AMOTL1: variants seen among roughly 807,000 people sequenced by gnomAD.
AMOTL1 encodes angiomotin-like protein 1.
In AMOTL1, 45 loss-of-function variants were observed where a neutral mutation model predicts 102.9. That is an observed-to-expected ratio of 0.44 (90% CI 0.34 to 0.56). The LOEUF (loss-of-function observed/expected upper bound fraction) is 0.56, where lower values mean the gene tolerates loss of function less well. AMOTL1 is among the 20% of genes least tolerant of loss of function. The pLI is 0.01. For missense variants in AMOTL1, 1,114 were observed against 1,225.6 expected, an observed-to-expected ratio of 0.91 and a Z score of 1.36; for synonymous variants, 481 against 484.7, an observed-to-expected ratio of 0.99 and a Z score of 0.10.
intron 6 of AMOTL1, among the ~76,000 whole-genome samples, chr11:94,840,667 TATATATATATATATACAC>T (rs1279994478): frequency 1.6e-5 from 2 of 125,966 alleles, no homozygotes; most frequent in East Asian, 2.5e-4. Flanking sequence ...TATATATATA[TATATATATATATATACAC>T]ACACACACAC....
chr11:94,780,888 A>C (rs1322115853), intron 1 of AMOTL1, among the ~76,000 whole-genome samples: 1 of 152,204 alleles, frequency 6.6e-6, no homozygotes, highest in Non-Finnish European at 1.5e-5. Flanking sequence ...ACAAAAACAG[A>C]AAGTATGGCA....
At chr11:94,768,949 C>T (rs1301736059) in intron 1 of AMOTL1, among the ~76,000 whole-genome samples, 1 of 152,036 alleles carries the variant, frequency 6.6e-6, no homozygotes, top group Admixed American at 6.5e-5. Context: ...AGGGGGTGTC[C>T]GGTGCAGCTT....
intron 3 of AMOTL1, among the ~76,000 whole-genome samples, chr11:94,742,466 C>G (rs1950540312): frequency 6.6e-6 from 1 of 152,194 alleles, no homozygotes; most frequent in Non-Finnish European, 1.5e-5. Context: ...TGTTTGCCTT[C>G]ACAGAATGAT....
chr11:94,794,133 A>G (rs1951326895), intron 1 of AMOTL1, among the ~76,000 whole-genome samples: 1 of 152,198 alleles, frequency 6.6e-6, no homozygotes, highest in South Asian at 2.1e-4. Flanking sequence ...TTTTAATGGA[A>G]TTTTCTTTTG....
intron 6 of AMOTL1, among the ~76,000 whole-genome samples, chr11:94,842,415 A>G (rs1242969721): frequency 2.0e-5 from 3 of 151,876 alleles, no homozygotes; most frequent in Admixed American, 6.6e-5. Flanking sequence ...CCCCACCTCA[A>G]AAAAAAAGTG....
chr11:94,726,024 G>C (rs985226665), intron 1 of AMOTL1, among the ~76,000 whole-genome samples: 3 of 152,110 alleles, frequency 2.0e-5, no homozygotes, highest in African/African-American at 7.2e-5. Flanking sequence ...TTCAACAAAG[G>C]CTGAGGCAAT....
At position 94,874,862 on chromosome 11, in the gene AMOTL1, A is replaced by C. The variant is rs989835093; in HGVS notation, c.*4067A>C. The C allele has an allele frequency of 6.6e-6, 1 of 152,232 alleles. No homozygotes were observed. Among genetic ancestry groups the C allele is most frequent in the African/African-American group, 2.4e-5 (1 of 41,446 alleles). 9.4% of individuals were successfully genotyped at this position (152,232 alleles called of 1,614,324 possible). ...TTGACTGCAGGGAGTTATGCTGAGCAAAGAGATGTGTTTTTCAAAACCAGG... is the reference window on the plus strand; with the variant it reads ...TTGACTGCAGGGAGTTATGCTGAGCCAAGAGATGTGTTTTTCAAAACCAGG... On this transcript the variant is annotated 3_prime_UTR_variant, in exon 13 of 13. Transcript: ENST00000433060.
chr11:94,717,674 T>C (rs888230424), intron 1 of AMOTL1, among the ~76,000 whole-genome samples: 2 of 151,874 alleles, frequency 1.3e-5, no homozygotes, highest in African/African-American at 4.8e-5. Context: ...ACTCAGATGC[T>C]ATACAAAGAA....
At chr11:94,851,447 A>C (rs1952536837) in intron 7 of AMOTL1, among the ~76,000 whole-genome samples, 3 of 152,190 alleles carry the variant, frequency 2.0e-5, no homozygotes, top group Admixed American at 1.3e-4. Context: ...TGGTTGGTTG[A>C]ATGTAGCCTC....
chr11:94,864,922 A>G (rs555984786), intron 10 of AMOTL1, 62 bp downstream of exon 10: 2 of 1,564,578 alleles, frequency 1.3e-6, no homozygotes, highest in African/African-American at 1.3e-5. Context: ...GCCTTCCAGA[A>G]CAGATTGCTT....
intron 1 of AMOTL1, among the ~76,000 whole-genome samples, chr11:94,770,965 A>C (rs1950940213): frequency 1.3e-5 from 2 of 152,170 alleles, no homozygotes; most frequent in Admixed American, 1.3e-4. Flanking sequence ...TGGCTGAACT[A>C]ATTGAAATGA....
At chr11:94,758,069 C>CA (rs1186835285) in intron 3 of AMOTL1, among the ~76,000 whole-genome samples, 1 of 151,952 alleles carries the variant, frequency 6.6e-6, no homozygotes. Flanking sequence ...CTCAAAAAAA[C>CA]AAAAAAGGCA....
intron 1 of AMOTL1, among the ~76,000 whole-genome samples, chr11:94,775,168 C>T (rs550560876): frequency 2.0e-5 from 3 of 152,284 alleles, no homozygotes; most frequent in Non-Finnish European, 4.4e-5. Flanking sequence ...AAATTATTTT[C>T]TGCATCATCA....
At chr11:94,832,379 A>G (rs1952090816) in intron 6 of AMOTL1, among the ~76,000 whole-genome samples, 3 of 152,310 alleles carry the variant, frequency 2.0e-5, no homozygotes, top group East Asian at 1.9e-4. Flanking sequence ...TGGGTTCCTC[A>G]GTGCAGCCCT....
chr11:94,799,469 G>T lies in AMOTL1; in HGVS notation c.279G>T (p.Ala93=), dbSNP rs141367424. 6.2e-7 allele frequency: 1 copy of T among 1,609,822 alleles called. No individual in the cohort carries two copies. Among genetic ancestry groups the T allele is most frequent in the Non-Finnish European group, 8.5e-7 (1 of 1,178,068 alleles). ...TGGAAATGAGAGGTTCCGAGGATGCGGCAGCTGGAACAGTATTGCAGCGGC... is the reference window on the plus strand; with the variant it reads ...TGGAAATGAGAGGTTCCGAGGATGCTGCAGCTGGAACAGTATTGCAGCGGC... ...SEVEMRGSED[A]AAGTVLQRLI... Residue 93 remains alanine (A), a synonymous_variant, in exon 3 of 13, where the codon GCG becomes GCT. Coordinates refer to ENST00000433060, the MANE Select transcript of AMOTL1 (RefSeq NM_130847.3). This position sits in a 1 kb window ranked among gnomAD's most constrained non-coding sequence, Gnocchi z 4.5.
chr11:94,812,469 C>A (rs1030456627), intron 3 of AMOTL1, among the ~76,000 whole-genome samples: 1 of 152,042 alleles, frequency 6.6e-6, no homozygotes, highest in Admixed American at 6.5e-5. Flanking sequence ...GTCGCTTATG[C>A]CTTAGTCTTG....
chr11:94,802,576 G>A (rs971354990), intron 3 of AMOTL1, among the ~76,000 whole-genome samples: 2 of 152,200 alleles, frequency 1.3e-5, no homozygotes, highest in South Asian at 2.1e-4. Flanking sequence ...AAGTTATGAC[G>A]TTAGAAAGAA....
Position 94,799,398 on chromosome 11 carries a change from C to T in AMOTL1, c.208C>T (p.Pro70Ser), listed in dbSNP as rs745769559. The T allele has an allele frequency of 7.0e-6, 11 of 1,565,214 alleles. No individual in the cohort carries two copies. The highest frequency in any genetic ancestry group is 1.2e-5 in the South Asian group (1 of 85,246). ...CTATGTTTATCTTTTAGTTGAAGAT[C>T]CTCTTTGTAACTTCCACTCCCCAAA... Reference protein sequence around the residue: ...SSIREKVVEDPLCNFHSPNFL... With the variant: ...SSIREKVVEDSLCNFHSPNFL... Residue 70 changes from proline to serine, a missense_variant, in exon 3 of 13, where the codon CCT becomes TCT. Pro to Ser is a moderately conservative substitution (Grantham distance 74). Transcript: ENST00000433060. This position sits in a 1 kb window ranked among gnomAD's most constrained non-coding sequence, Gnocchi z 4.5.
At chr11:94,790,307 A>G (rs1403801012) in intron 1 of AMOTL1, among the ~76,000 whole-genome samples, 1 of 152,240 alleles carries the variant, frequency 6.6e-6, no homozygotes, top group African/African-American at 2.4e-5. Context: ...CACCAGGGCC[A>G]TAACACCAGC....
Sources: allele counts gnomAD v4.1 joint callset (sites outside exome capture counted in the v4.1 genomes callset), GRCh38; gene constraint gnomAD v4.1.1; non-coding constraint Gnocchi (gnomAD v3.1); transcripts MANE v1.5; gene names NCBI Gene and HGNC (gene_info 2026-07-23, HGNC 2026-07-21).